XPO6: variants seen among roughly 807,000 people sequenced by gnomAD.
XPO6 encodes the protein exportin-6.
A neutral mutation model predicts 130.0 loss-of-function variants in XPO6; 3 were observed. That is an observed-to-expected ratio of 0.02 (90% CI 0.01 to 0.06). XPO6 has a LOEUF of 0.06. Among genes scored for constraint, XPO6 ranks in the 10% least tolerant of loss-of-function variants. The pLI is 1.00. For missense variants in XPO6, 970 were observed against 1,393.0 expected (o/e 0.70, Z 4.83); for synonymous variants, 524 against 548.9 (o/e 0.95, Z 0.63).
rs145236921 is a variant in XPO6 at position 28,118,877 on chromosome 16, C to T, written c.1860-1415G>A. On this transcript the variant is annotated intron_variant, in intron 14 of 23. Transcript: ENST00000304658. ...CCAACATCACCCCCCCAGACTTGAGCTTTTTTCTCCAAGGTGCTCTGGAGA... is the reference window on the plus strand; with the variant it reads ...CCAACATCACCCCCCCAGACTTGAGTTTTTTTCTCCAAGGTGCTCTGGAGA... Among the ~76,000 whole-genome samples, 282 of 152,284 alleles carry T rather than the reference C, an allele frequency of 1.9e-3. 1 individual carries two copies. Among genetic ancestry groups the T allele is most frequent in the African/African-American group, 6.5e-3 (270 of 41,556 alleles).
intron 1 of XPO6, among the ~76,000 whole-genome samples, chr16:28,193,555 C>T (rs2043815172): frequency 6.6e-6 from 1 of 152,148 alleles, no homozygotes; most frequent in Non-Finnish European, 1.5e-5. Flanking sequence ...CCCTCCACCC[C>T]ACTGGCGAGG....
At chr16:28,168,763 A>G (rs1214375005) in intron 5 of XPO6, among the ~76,000 whole-genome samples, 1 of 148,794 alleles carries the variant, frequency 6.7e-6, no homozygotes, top group Non-Finnish European at 1.5e-5. Context: ...CATCACACCC[A>G]GCTAACTTTT....
In XPO6 at chr16:28,112,955, C is replaced by A; in HGVS notation, c.2100G>T (p.Gln700His). 6.2e-7 allele frequency: 1 copy of A among 1,614,188 alleles called. No individual in the cohort carries two copies. Among genetic ancestry groups the A allele is most frequent in the Non-Finnish European group, 8.5e-7 (1 of 1,180,032 alleles). ...PVFLISIPAVQKVFNRITDAS... is the reference protein window; with the variant it reads ...PVFLISIPAVHKVFNRITDAS... ...CATCAGTGATTCTGTTGAATACTTT[C>A]TGCACTGCAGGGATGCTGATCAGAA... The change falls in exon 16 of 24, where the codon CAG becomes CAT. Residue 700 changes from glutamine (Q) to histidine (H), a missense_variant. Gln to His is a conservative substitution (Grantham distance 24). Around this residue, in one of 4 missense-constraint regions of XPO6, gnomAD observed 936 missense variants for 1,306.8 expected, o/e 0.72. Coordinates refer to ENST00000304658, the MANE Select transcript of XPO6 (RefSeq NM_015171.4).
intron 9 of XPO6, among the ~76,000 whole-genome samples, chr16:28,144,354 T>C (rs1448634799): frequency 6.6e-6 from 1 of 152,192 alleles, no homozygotes; most frequent in Non-Finnish European, 1.5e-5. Context: ...ATTTGCATAT[T>C]TATTTATTTT....
chr16:28,132,564 C>G lies in XPO6; in HGVS notation c.1537-161G>C, dbSNP rs2042692295. Among the ~76,000 whole-genome samples, 1 of 151,554 alleles carries G rather than the reference C, an allele frequency of 6.6e-6. No homozygotes were observed. Among genetic ancestry groups the G allele is most frequent in the South Asian group, 2.1e-4 (1 of 4,806 alleles). On this transcript the variant is annotated intron_variant, in intron 11 of 23. Transcript: ENST00000304658. This position sits in a 1 kb window ranked among gnomAD's most constrained non-coding sequence, Gnocchi z 4.0. ...AATGCAGCTAAAAAGCTATGACCCC[C>G]CTTCAGTGCCCCCCAACTAGTTTCT...
At chr16:28,152,590 T>G in intron 8 of XPO6, 69 bp downstream of exon 8, 1 of 1,541,096 alleles carries the variant, frequency 6.5e-7, no homozygotes, top group Admixed American at 2.2e-5. Flanking sequence ...AAGAAAAAGT[T>G]CTTTCTTCTC....
chr16:28,193,171 T>C (rs941571770), intron 1 of XPO6, among the ~76,000 whole-genome samples: 1 of 152,214 alleles, frequency 6.6e-6, no homozygotes, highest in African/African-American at 2.4e-5. Context: ...TTAAAATTCA[T>C]GTTCAGTCAC....
At chr16:28,127,008 T>C (rs2087435035) in intron 12 of XPO6, among the ~76,000 whole-genome samples, 1 of 152,174 alleles carries the variant, frequency 6.6e-6, no homozygotes, top group African/African-American at 2.4e-5. Context: ...CTCCTCCCGC[T>C]GTGCTCCAAA....
chr16:28,191,986 G>A (rs993700300), intron 1 of XPO6, among the ~76,000 whole-genome samples: 1 of 152,158 alleles, frequency 6.6e-6, no homozygotes, highest in South Asian at 2.1e-4. Context: ...ATGGCTGGGC[G>A]CGGTGGCTCA....
At chr16:28,126,713 C>A (rs1596826575) in intron 12 of XPO6, 2 of 152,062 alleles carry the variant, frequency 1.3e-5, no homozygotes, top group Non-Finnish European at 2.9e-5. Context: ...GTTTTTGGAT[C>A]CCTCTCTTCA....
At chr16:28,146,609 T>C (rs1279770622) in intron 8 of XPO6, among the ~76,000 whole-genome samples, 8 of 152,210 alleles carry the variant, frequency 5.3e-5, no homozygotes, top group Non-Finnish European at 1.2e-4. Flanking sequence ...CCCCAGCCAA[T>C]GCTCTTTCCA....
At chr16:28,180,016 G>A (rs1039645734) in intron 2 of XPO6, among the ~76,000 whole-genome samples, 2 of 152,194 alleles carry the variant, frequency 1.3e-5, no homozygotes, top group African/African-American at 4.8e-5. Context: ...AGAATCAAAA[G>A]CATTTCAATT....
intron 9 of XPO6, among the ~76,000 whole-genome samples, chr16:28,139,736 C>T (rs976543803): frequency 3.3e-5 from 5 of 151,850 alleles, no homozygotes; most frequent in African/African-American, 4.8e-5. Flanking sequence ...CCAGAGCAAC[C>T]ACCAAAAAAA....
chr16:28,167,411 G>A (rs139662315), intron 5 of XPO6: 460 of 982,670 alleles, frequency 4.7e-4, no homozygotes, highest in South Asian at 2.8e-3. Flanking sequence ...CAGCTCACCC[G>A]ACAGACGCGG....
At chr16:28,155,913 C>A (rs940576104) in intron 7 of XPO6, 161 bp downstream of exon 7, 2 of 1,400,932 alleles carry the variant, frequency 1.4e-6, no homozygotes, top group Admixed American at 3.2e-5. Context: ...CAAGCCCTTC[C>A]AGCTAATCTC....
In XPO6 at chr16:28,098,147, A is replaced by C; in HGVS notation, c.*391T>G. ...GGGGGAGGCTTGACAGAAGTGCCAG[A>C]GCAGTTCCAACGTCACATCTCTCCT... On this transcript the variant is annotated 3_prime_UTR_variant, in exon 24 of 24. Transcript: ENST00000304658. 5.8e-6 allele frequency: 1 copy of C among 171,560 alleles called. No homozygotes were observed. The highest frequency in any genetic ancestry group is 1.8e-4 in the South Asian group (1 of 5,460). The allele number at this position is 171,560 out of a possible 1,614,324, so 10.6% of individuals were successfully genotyped here.
chr16:28,162,601 G>A (rs886222585), intron 6 of XPO6, among the ~76,000 whole-genome samples: 4 of 146,418 alleles, frequency 2.7e-5, no homozygotes, highest in Non-Finnish European at 4.5e-5. Flanking sequence ...TTGCTCTGTC[G>A]CCCAGGCTGG....
chr16:28,185,931 A>C (rs897096344), intron 1 of XPO6, among the ~76,000 whole-genome samples: 5 of 152,138 alleles, frequency 3.3e-5, no homozygotes, highest in Non-Finnish European at 7.4e-5. Flanking sequence ...AACAGTTAAA[A>C]CTGCAAAGGT....
chr16:28,189,484 A>C (rs2043750953), intron 1 of XPO6, among the ~76,000 whole-genome samples: 1 of 152,078 alleles, frequency 6.6e-6, no homozygotes, highest in Non-Finnish European at 1.5e-5. Context: ...TCCTTTCCTT[A>C]GCCTGACTGT....
Sources: gnomAD v4.1 joint callset for allele counts (sites outside exome capture counted in the v4.1 genomes callset) on GRCh38, gnomAD v4.1.1 for gene constraint, gnomAD v4.1.1 regional missense constraint, Gnocchi (gnomAD v3.1) non-coding constraint, MANE v1.5 for transcripts, NCBI Gene and HGNC (gene_info 2026-07-23, HGNC 2026-07-21) for gene names.